The following LGI1 variants were observed in gnomAD, a reference collection of about 807,000 sequenced individuals.
The protein encoded by LGI1 is leucine-rich glioma-inactivated protein 1.
LGI1 carries 11 observed loss-of-function variants against 57.7 expected under a neutral mutation model. The ratio of observed to expected loss-of-function variants is 0.19; its 90% CI spans 0.12 to 0.32. The LOEUF is 0.32. Ranked by LOEUF, LGI1 falls within the 10% of genes least tolerant of loss-of-function variation. The pLI, the probability that LGI1 is intolerant of heterozygous loss-of-function variation, is 1.00. For missense variants in LGI1, 422 were observed against 661.9 expected (o/e 0.64, Z 3.98); for synonymous variants, 222 against 241.9 (o/e 0.92, Z 0.76).
chr10:93,766,614 C>G (rs1292746141), intron 2 of LGI1, among the ~76,000 whole-genome samples: 2 of 146,014 alleles, frequency 1.4e-5, no homozygotes, highest in Non-Finnish European at 3.0e-5. Context: ...ACGCCATTCT[C>G]CTGCCTCAGC....
Position 93,758,601 on chromosome 10 carries a change from C to G in LGI1, c.216-159C>G. 4.3e-6 allele frequency: 3 copies of G among 698,604 alleles called. No homozygotes were observed. The South Asian group carries it at 5.1e-5, about 12-fold the overall frequency. 43.3% of individuals were successfully genotyped at this position (698,604 alleles called of 1,614,324 possible). On this transcript the variant is annotated intron_variant, in intron 1 of 7. Transcript: ENST00000371418. The surrounding 1 kb of genome is among the most constrained non-coding windows in gnomAD (Gnocchi z 4.7). ...TGAGAAACCTGTAGCCGATTCATTT[C>G]TCTTACTTCATCTGGGAAGGAATAG...
intron 2 of LGI1, among the ~76,000 whole-genome samples, chr10:93,762,025 C>T (rs1328494573): frequency 1.3e-5 from 2 of 152,176 alleles, no homozygotes; most frequent in Non-Finnish European, 2.9e-5. Context: ...AAGTGAAATT[C>T]AAATTTAAGA....
chr10:93,782,394 G>A (rs2059854342), intron 4 of LGI1, among the ~76,000 whole-genome samples: 1 of 152,222 alleles, frequency 6.6e-6, no homozygotes, highest in African/African-American at 2.4e-5. Flanking sequence ...AGTGCCCAAG[G>A]TTGTCTTGAG....
intron 2 of LGI1, chr10:93,764,013 A>G (rs1401463950): frequency 6.6e-6 from 1 of 152,234 alleles, no homozygotes; most frequent in African/African-American, 2.4e-5. Context: ...CAAAATAAGT[A>G]TTTATTTATT....
intron 7 of LGI1, among the ~76,000 whole-genome samples, chr10:93,795,430 C>T (rs533642459): frequency 5.3e-5 from 8 of 152,130 alleles, no homozygotes; most frequent in Admixed American, 1.3e-4. Flanking sequence ...CTAACAGACT[C>T]GCTCAAGCCC....
chr10:93,764,415 C>G (rs1319687880), intron 2 of LGI1: 1 of 152,138 alleles, frequency 6.6e-6, no homozygotes, highest in African/African-American at 2.4e-5. Flanking sequence ...GATAAGCATT[C>G]TCATTTTGTT....
At chr10:93,766,512 C>CATTTTTTTTTTTTT (rs748070539) in intron 2 of LGI1, among the ~76,000 whole-genome samples, 5 of 84,578 alleles carry the variant, frequency 5.9e-5, no homozygotes, top group African/African-American at 2.5e-4. Context: ...TTATAGATCT[C>CATTTTTTTTTTTTT]TTTTTTTTTT....
rs746509121 is a variant in LGI1, at chr10:93,797,154, A to C, written c.1025A>C (p.Asn342Thr). 11 of 1,614,196 alleles carry C rather than the reference A, an allele frequency of 6.8e-6. No individual in the cohort carries two copies. The highest frequency in any genetic ancestry group is 8.5e-6 in the Non-Finnish European group (10 of 1,180,036). ...PNDIETFKIENNWYFVVADSS... is the reference protein window; with the variant it reads ...PNDIETFKIETNWYFVVADSS... The stretch of plus-strand genomic sequence containing the variant: ...GACATTGAAACATTCAAGATTGAAA[A>C]CAACTGGTACTTTGTTGTTGCTGAC... Residue 342 changes from asparagine (N) to threonine (T), a missense_variant, in exon 8 of 8, where the codon AAC (asparagine) becomes ACC (threonine). By Grantham distance (65) the Asn-to-Thr change is moderately conservative (BLOSUM62 0). Coordinates refer to ENST00000371418, the MANE Select transcript of LGI1 (RefSeq NM_005097.4). This position sits in a 1 kb window ranked among gnomAD's most constrained non-coding sequence, Gnocchi z 6.5.
chr10:93,780,484 G>T (rs1321993627), intron 4 of LGI1, among the ~76,000 whole-genome samples: 2 of 152,204 alleles, frequency 1.3e-5, no homozygotes, highest in Admixed American at 1.3e-4. Context: ...CATTCAAGCT[G>T]TGAGGAATTA....
chr10:93,780,310 C>A (rs963140905), intron 4 of LGI1: 5 of 152,464 alleles, frequency 3.3e-5, no homozygotes, highest in African/African-American at 1.2e-4. Flanking sequence ...GATCTGAAAC[C>A]CAAATTTCCC....
chr10:93,788,017 T>C (rs187554039), intron 4 of LGI1, among the ~76,000 whole-genome samples: 1 of 152,336 alleles, frequency 6.6e-6, no homozygotes, highest in East Asian at 1.9e-4. Flanking sequence ...GCTTAATCAT[T>C]GCATGCCCAC....
At chr10:93,779,155 A>G (rs2059822976) in intron 4 of LGI1, among the ~76,000 whole-genome samples, 1 of 152,146 alleles carries the variant, frequency 6.6e-6, no homozygotes, top group African/African-American at 2.4e-5. Context: ...AGAAACAAAT[A>G]TATGGAAGGA....
rs752087864 is a variant in LGI1 at position 93,796,973 on chromosome 10, T to C, written c.844T>C (p.Ser282Pro). ...TCTCCTTTGTCTTTTCCCAGGCACA[T>C]CCACTGTAGTATGCAAGCCTATAGT... ...FRNYDNITGT[S>P]TVVCKPIVIE... The change falls in exon 8 of 8, where the codon TCC (serine) becomes CCC (proline). Residue 282 changes from serine (S) to proline (P), a missense_variant. Physicochemically the swap from Ser to Pro is moderately conservative, Grantham distance 74. Transcript: ENST00000371418. 6.2e-7 allele frequency: 1 copy of C among 1,612,540 alleles called. No homozygotes were observed. The highest frequency in any genetic ancestry group is 2.2e-5 in the East Asian group (1 of 44,884).
intron 7 of LGI1, among the ~76,000 whole-genome samples, chr10:93,795,953 C>T (rs527335906): frequency 2.6e-5 from 4 of 152,348 alleles, no homozygotes; most frequent in Admixed American, 6.5e-5. Flanking sequence ...CTTTCTGCCC[C>T]GCACTAGCGC....
chr10:93,774,044 C>G (rs1267795759), intron 2 of LGI1, among the ~76,000 whole-genome samples: 1 of 152,102 alleles, frequency 6.6e-6, no homozygotes, highest in Non-Finnish European at 1.5e-5. Context: ...TTATTGCAGA[C>G]TCTAGGCTAC....
intron 4 of LGI1, 81 bp from the exon 5 acceptor site, chr10:93,790,018 C>A: frequency 1.5e-6 from 2 of 1,324,136 alleles, no homozygotes; most frequent in Non-Finnish European, 2.1e-6. Flanking sequence ...ACAAAAGAGA[C>A]TCATCACTAA....
chr10:93,769,133 A>G (rs2059709130), intron 2 of LGI1: 1 of 152,264 alleles, frequency 6.6e-6, no homozygotes, highest in South Asian at 2.1e-4. Context: ...ATTATTAATT[A>G]TCATTTAACC....
In LGI1 at chr10:93,793,308, G is replaced by A. The variant is rs1355382715; in HGVS notation, c.796G>A (p.Asp266Asn). ...TGGAAAATGCATTTTCCTTGAATGG[G>A]ACCATGTGGAAAAGACCTTCCGGAA... ...FTGKCIFLEW[D>N]HVEKTFRNYD... is the part of the protein sequence containing the mutation. The change falls in exon 7 of 8, where the codon GAC (aspartate) becomes AAC (asparagine). Residue 266 changes from aspartate to asparagine, a missense_variant. Coordinates refer to ENST00000371418, the MANE Select transcript of LGI1 (RefSeq NM_005097.4). 1 of 1,613,850 alleles carries A rather than the reference G, an allele frequency of 6.2e-7. No individual in the cohort carries two copies. Among genetic ancestry groups the A allele is most frequent in the Admixed American group, 1.7e-5 (1 of 60,016 alleles).
At chr10:93,787,577 T>C (rs981694138) in intron 4 of LGI1, among the ~76,000 whole-genome samples, 9 of 152,134 alleles carry the variant, frequency 5.9e-5, no homozygotes. Flanking sequence ...CTCTACTCCT[T>C]TGGGCAGGAA....
Sources: gnomAD v4.1 joint callset for allele counts (sites outside exome capture counted in the v4.1 genomes callset) on GRCh38, gnomAD v4.1.1 for gene constraint, Gnocchi (gnomAD v3.1) non-coding constraint, MANE v1.5 for transcripts, NCBI Gene and HGNC (gene_info 2026-07-23, HGNC 2026-07-21) for gene names.